Variants in WASF3 observed in about 807,000 individuals in gnomAD.
WASF3 encodes the protein actin-binding protein WASF3.
WASF3 carries 11 observed loss-of-function variants against 46.6 expected under a neutral mutation model. That is an observed-to-expected ratio of 0.24 (90% CI 0.15 to 0.39). The LOEUF (loss-of-function observed/expected upper bound fraction) is 0.39, where lower values mean the gene tolerates loss of function less well. WASF3 is among the 10% of genes least tolerant of loss of function. The pLI is 1.00. For missense variants in WASF3, 576 were observed against 669.8 expected (o/e 0.86, Z 1.55); for synonymous variants, 242 against 259.7 (o/e 0.93, Z 0.65).
At chr13:26,675,805 T>G (rs1883052687) in intron 6 of WASF3, among the ~76,000 whole-genome samples, 1 of 152,090 alleles carries the variant, frequency 6.6e-6, no homozygotes, top group Non-Finnish European at 1.5e-5. Flanking sequence ...AAAAACAGTA[T>G]GTTGAGATAC....
chr13:26,624,631 C>A (rs73489394), intron 2 of WASF3, among the ~76,000 whole-genome samples: 2,068 of 151,944 alleles, frequency 0.014, 47 homozygotes, highest in African/African-American at 0.047. Flanking sequence ...CAGAGAACCC[C>A]AAGCAGGATT....
chr13:26,581,625 T>TA (rs375696038), intron 1 of WASF3, among the ~76,000 whole-genome samples: 2,059 of 149,470 alleles, frequency 0.014, 20 homozygotes, highest in African/African-American at 0.034. Context: ...GGTTCTGCTT[T>TA]AAAAAAAAAA....
At chr13:26,629,202 T>C (rs1055322609) in intron 2 of WASF3, among the ~76,000 whole-genome samples, 1 of 152,320 alleles carries the variant, frequency 6.6e-6, no homozygotes, top group South Asian at 2.1e-4. Context: ...TTTTGCCTGC[T>C]TTGTGTTCAG....
In WASF3 at chr13:26,683,199, G is replaced by A. The variant is rs76563990; in HGVS notation, c.1351+225G>A. Among the ~76,000 whole-genome samples, 515 of 152,250 alleles carry A rather than the reference G, an allele frequency of 3.4e-3. 7 individuals are homozygous for A. The East Asian group carries it at 0.043, about 13-fold the overall frequency. On this transcript the variant is annotated intron_variant, in intron 9 of 9. Transcript: ENST00000335327. The stretch of plus-strand genomic sequence containing the variant: ...TAAAGATTGGGAAACAGCCGGGCGC[G>A]GTGGGCTCATGCCTGTAATCCCAGC...
Position 26,686,016 on chromosome 13 carries a change from T to A in WASF3, c.*171T>A, listed in dbSNP as rs1468286022. On this transcript the variant is annotated 3_prime_UTR_variant, in exon 10 of 10. Transcript: ENST00000335327. ...GGTCTTTTCAGTATTTACTGTGTAA[T>A]ACTTAAGTGCCACTAAACATAGCAA... The A allele has an allele frequency of 1.2e-6, 1 of 807,282 alleles. No individual in the cohort carries two copies. Among genetic ancestry groups the A allele is most frequent in the East Asian group, 2.7e-5 (1 of 36,824 alleles). The allele number at this position is 807,282 out of a possible 1,614,324, so 50.0% of individuals were successfully genotyped here. A position where few individuals can be genotyped will look rare whatever the true frequency, so the allele number is the denominator to read the frequency against.
chr13:26,596,268 G>T (rs577341747), intron 1 of WASF3, among the ~76,000 whole-genome samples: 1 of 150,582 alleles, frequency 6.6e-6, no homozygotes, highest in Admixed American at 6.6e-5. Flanking sequence ...CTTATTTGCC[G>T]TCTGTATATC....
chr13:26,551,624 G>A, the WASF3 span, among the ~76,000 whole-genome samples: 1 of 152,184 alleles, frequency 6.6e-6, no homozygotes, highest in Non-Finnish European at 1.5e-5. Flanking sequence ...ACAGAGGCTG[G>A]TGTAGGTAAC....
rs191183000 is a variant in WASF3 at position 26,578,612 on chromosome 13, G to C, written c.-109+20793G>C. The stretch of plus-strand genomic sequence containing the variant: ...CAATTCACAAGAAGGAAAGCATAAG[G>C]AATAATGTCCCTTAAAGGTGTAGTT... On this transcript the variant is annotated intron_variant, in intron 1 of 9. Transcript: ENST00000335327. Among the ~76,000 whole-genome samples, 16 of 152,252 alleles carry C rather than the reference G, an allele frequency of 1.1e-4. No individual in the cohort carries two copies. In the East Asian group the frequency reaches 2.9e-3, roughly 28 times the overall value.
intron 1 of WASF3, among the ~76,000 whole-genome samples, chr13:26,579,093 G>A (rs925530497): frequency 3.7e-5 from 5 of 133,656 alleles, no homozygotes; most frequent in African/African-American, 5.7e-5. Flanking sequence ...CCCAAACTCC[G>A]GGCTCAGGTG....
chr13:26,549,414 C>T, the WASF3 span, among the ~76,000 whole-genome samples: 1 of 152,164 alleles, frequency 6.6e-6, no homozygotes, highest in Non-Finnish European at 1.5e-5. Context: ...ACCAGGGCAT[C>T]TTACGACTTG....
At chr13:26,607,518 C>T (rs1871946119) in intron 1 of WASF3, among the ~76,000 whole-genome samples, 1 of 152,128 alleles carries the variant, frequency 6.6e-6, no homozygotes, top group South Asian at 2.1e-4. Flanking sequence ...ACAGAGGAAA[C>T]TTTTCTTATT....
At chr13:26,544,411 C>A in the WASF3 span, among the ~76,000 whole-genome samples, 1 of 152,172 alleles carries the variant, frequency 6.6e-6, no homozygotes, top group African/African-American at 2.4e-5. Context: ...AAATGTGCTT[C>A]TTTTCAGCAC....
chr13:26,653,617 A>G (rs545401214), intron 3 of WASF3, among the ~76,000 whole-genome samples: 5 of 152,216 alleles, frequency 3.3e-5, no homozygotes, highest in African/African-American at 1.2e-4. Flanking sequence ...GTGGTCCGCC[A>G]CCTCACTCTG....
At chr13:26,613,822 T>C (rs1881052536) in intron 2 of WASF3, among the ~76,000 whole-genome samples, 1 of 152,166 alleles carries the variant, frequency 6.6e-6, no homozygotes, top group African/African-American at 2.4e-5. Flanking sequence ...AATAATTTAC[T>C]CTGAACTGAG....
chr13:26,609,921 C>T (rs1215885626), intron 1 of WASF3, among the ~76,000 whole-genome samples: 1 of 152,110 alleles, frequency 6.6e-6, no homozygotes, highest in Non-Finnish European at 1.5e-5. Flanking sequence ...ACTGTCCAAC[C>T]TAGTAGCCAC....
the WASF3 span, among the ~76,000 whole-genome samples, chr13:26,549,326 A>C: frequency 6.6e-6 from 1 of 152,004 alleles, no homozygotes; most frequent in African/African-American, 2.4e-5. Flanking sequence ...GCTTTTGACT[A>C]CCTGCCTGGG....
intron 5 of WASF3, 124 bp from the exon 6 acceptor site, chr13:26,671,748 G>A (rs748469634): frequency 3.2e-6 from 2 of 618,374 alleles, no homozygotes; most frequent in Non-Finnish European, 5.5e-6. Flanking sequence ...AATATGTGTA[G>A]GAGAGTTTAA....
At chr13:26,600,038 C>T (rs1164135512) in intron 1 of WASF3, among the ~76,000 whole-genome samples, 1 of 152,170 alleles carries the variant, frequency 6.6e-6, no homozygotes, top group Non-Finnish European at 1.5e-5. Flanking sequence ...ATCTGTCATC[C>T]TCTTTGGGCT....
intron 2 of WASF3, among the ~76,000 whole-genome samples, chr13:26,637,826 G>C (rs1327783149): frequency 6.6e-6 from 1 of 152,214 alleles, no homozygotes; most frequent in African/African-American, 2.4e-5. Context: ...AGAGTGGTCT[G>C]TGAGCATGTC....
Sources: allele counts gnomAD v4.1 joint callset (sites outside exome capture counted in the v4.1 genomes callset), GRCh38; gene constraint gnomAD v4.1.1; transcripts MANE v1.5; gene names NCBI Gene and HGNC (gene_info 2026-07-23, HGNC 2026-07-21).